KLHL2: variants seen among roughly 807,000 people sequenced by gnomAD.
The protein encoded by KLHL2 is kelch like family member 2.
KLHL2 carries 15 observed loss-of-function variants against 75.8 expected under a neutral mutation model. The ratio of observed to expected loss-of-function variants is 0.20; its 90% CI spans 0.13 to 0.30. The LOEUF (loss-of-function observed/expected upper bound fraction) is 0.30, where lower values mean the gene tolerates loss of function less well. KLHL2 is among the 10% of genes least tolerant of loss of function. The pLI is 1.00. For missense variants in KLHL2, 381 were observed against 741.0 expected (o/e 0.51, Z 5.64); for synonymous variants, 214 against 251.9 (o/e 0.85, Z 1.42).
chr4:165,264,715 T>TATACAC (rs1560783775), intron 5 of KLHL2, among the ~76,000 whole-genome samples: 2 of 75,858 alleles, frequency 2.6e-5, no homozygotes, highest in South Asian at 4.8e-4. Context: ...TATATATATA[T>TATACAC]ATATACATAT....
chr4:165,218,636 A>G (rs1202032630), intron 1 of KLHL2, among the ~76,000 whole-genome samples: 5 of 152,002 alleles, frequency 3.3e-5, no homozygotes, highest in Non-Finnish European at 7.4e-5. Context: ...CCAGACTCCA[A>G]GCTCTATGAG....
At chr4:165,236,623 A>T (rs947394929) in intron 3 of KLHL2, among the ~76,000 whole-genome samples, 10 of 152,236 alleles carry the variant, frequency 6.6e-5, no homozygotes, top group African/African-American at 2.2e-4. Flanking sequence ...TAAGGTAATA[A>T]TGTAACAACT....
chr4:165,220,467 C>T (rs1372809943), intron 2 of KLHL2, among the ~76,000 whole-genome samples: 1 of 151,942 alleles, frequency 6.6e-6, no homozygotes, highest in Non-Finnish European at 1.5e-5. Flanking sequence ...TGCCTATAAT[C>T]CCAGCACTTT....
chr4:165,220,147 T>A, intron 2 of KLHL2, 88 bp downstream of exon 2: 8 of 1,524,024 alleles, frequency 5.2e-6, no homozygotes, highest in Non-Finnish European at 6.1e-6. Flanking sequence ...AACCTTCCAT[T>A]GTTGCTTTGT....
chr4:165,262,881 G>T (rs1006427740), intron 4 of KLHL2, among the ~76,000 whole-genome samples: 4 of 152,038 alleles, frequency 2.6e-5, no homozygotes, highest in African/African-American at 9.7e-5. Context: ...GCCCTGCCAA[G>T]AATTTGTGTT....
At chr4:165,282,794 C>T (rs1006055403) in intron 5 of KLHL2, among the ~76,000 whole-genome samples, 9 of 148,326 alleles carry the variant, frequency 6.1e-5, no homozygotes, top group Admixed American at 1.3e-4. Context: ...TTTAGAGCAA[C>T]GTACAGAAGA....
At chr4:165,255,434 C>T (rs28639890) in intron 4 of KLHL2, among the ~76,000 whole-genome samples, 82 of 151,814 alleles carry the variant, frequency 5.4e-4, no homozygotes, top group African/African-American at 1.9e-3. Context: ...GTGGGACATA[C>T]CTATTCCTAG....
At chr4:165,287,747 T>A (rs544190685) in intron 5 of KLHL2, among the ~76,000 whole-genome samples, 122 of 152,350 alleles carry the variant, frequency 8.0e-4, no homozygotes, top group African/African-American at 2.9e-3. Flanking sequence ...GTATTTTCTC[T>A]GATGATTAGT....
chr4:165,290,599 G>A (rs1180031599), intron 5 of KLHL2, among the ~76,000 whole-genome samples: 1 of 151,994 alleles, frequency 6.6e-6, no homozygotes, highest in African/African-American at 2.4e-5. Flanking sequence ...TAAACTTCTG[G>A]TAAAGTCAGG....
chr4:165,318,113 C>A, intron 14 of KLHL2, 144 bp downstream of exon 14: 1 of 716,776 alleles, frequency 1.4e-6, no homozygotes, highest in Non-Finnish European at 2.3e-6. Context: ...TTAACATTGG[C>A]TGTGTATATT....
chr4:165,207,986 G>A lies in KLHL2; in HGVS notation c.26+84G>A. Reference sequence around the variant, plus strand: ...GTCGCCGGCCGCGGGCGCAGCTCTGGGGACAGCCGCCGGGGCCGGCGGGAG... The same window carrying A: ...GTCGCCGGCCGCGGGCGCAGCTCTGAGGACAGCCGCCGGGGCCGGCGGGAG... On this transcript the variant is annotated intron_variant, in intron 1 of 14. Coordinates refer to ENST00000226725, the MANE Select transcript of KLHL2 (RefSeq NM_007246.4). The surrounding 1 kb of genome is among the most constrained non-coding windows in gnomAD (Gnocchi z 4.2). 1.9e-6 allele frequency: 2 copies of A among 1,034,862 alleles called. No homozygotes were observed. The highest frequency in any genetic ancestry group is 8.7e-5 in the South Asian group (2 of 23,058). The allele number at this position is 1,034,862 out of a possible 1,614,324, so 64.1% of individuals were successfully genotyped here. A position where few individuals can be genotyped will look rare whatever the true frequency, so the allele number is the denominator to read the frequency against.
At chr4:165,219,518 A>G in intron 1 of KLHL2, 2 of 203,158 alleles carry the variant, frequency 9.8e-6, no homozygotes, top group Admixed American at 1.2e-4. Context: ...AATTTAAATC[A>G]GATTCTAAGT....
chr4:165,314,226 A>G (rs957909258), intron 13 of KLHL2, 60 bp downstream of exon 13: 1 of 1,415,650 alleles, frequency 7.1e-7, no homozygotes. Context: ...TTTCACTGGT[A>G]TCACTCTATC....
At chr4:165,212,203 T>A (rs1318672645) in intron 1 of KLHL2, among the ~76,000 whole-genome samples, 1 of 152,138 alleles carries the variant, frequency 6.6e-6, no homozygotes, top group African/African-American at 2.4e-5. Context: ...TTCCTATGAT[T>A]GAAACTAATA....
At chr4:165,209,017 G>A (rs1299624704) in intron 1 of KLHL2, among the ~76,000 whole-genome samples, 1 of 152,192 alleles carries the variant, frequency 6.6e-6, no homozygotes, top group Admixed American at 6.5e-5. Flanking sequence ...TGGGATTCTG[G>A]AACGACAGTT....
chr4:165,311,809 C>CTCTGTGTG (rs1367964726), intron 11 of KLHL2, among the ~76,000 whole-genome samples: 33 of 144,790 alleles, frequency 2.3e-4, no homozygotes, highest in African/African-American at 1.5e-4. Flanking sequence ...TCCTTTCTCT[C>CTCTGTGTG]TGTGTGTGTG....
intron 4 of KLHL2, among the ~76,000 whole-genome samples, chr4:165,244,849 A>AT (rs1740121407): frequency 1.3e-5 from 2 of 151,794 alleles, no homozygotes; most frequent in African/African-American, 2.4e-5. Context: ...CTCAACAAGT[A>AT]TTTTTTTTCT....
At chr4:165,278,909 C>A (rs1743402802) in intron 5 of KLHL2, 24 of 1,405,946 alleles carry the variant, frequency 1.7e-5, no homozygotes, top group Non-Finnish European at 2.4e-5. Context: ...TTCCAAGGCC[C>A]CCGCTTTCAT....
chr4:165,292,299 G>A (rs930740784), intron 5 of KLHL2, among the ~76,000 whole-genome samples: 1 of 151,870 alleles, frequency 6.6e-6, no homozygotes, highest in Non-Finnish European at 1.5e-5. Flanking sequence ...ACATTTTAGA[G>A]CTGCTTGTTT....
Sources: allele counts gnomAD v4.1 joint callset (sites outside exome capture counted in the v4.1 genomes callset), GRCh38; gene constraint gnomAD v4.1.1; non-coding constraint Gnocchi (gnomAD v3.1); transcripts MANE v1.5; gene names NCBI Gene and HGNC (gene_info 2026-07-23, HGNC 2026-07-21).